The following PTP4A2 variants were observed in gnomAD, a reference collection of about 807,000 sequenced individuals.
The protein encoded by PTP4A2 is protein tyrosine phosphatase type IVA 2.
In PTP4A2, 2 loss-of-function variants were observed where a neutral mutation model predicts 22.9. That is an observed-to-expected ratio of 0.09 (90% CI 0.04 to 0.27). The LOEUF (loss-of-function observed/expected upper bound fraction) is 0.27. PTP4A2 is among the 10% of genes least tolerant of loss of function. The pLI, the probability that PTP4A2 is intolerant of heterozygous loss-of-function variation, is 1.00. For missense variants in PTP4A2, 103 were observed against 205.1 expected (o/e 0.50, Z 3.04); for synonymous variants, 68 against 69.1 (o/e 0.98, Z 0.08).
rs932339809 is a variant in PTP4A2, at chr1:31,907,177, G to C, written c.*1675C>G. On this transcript the variant is annotated 3_prime_UTR_variant, in exon 6 of 6. Transcript: ENST00000647444. ...GTCTGTTCCTATTGGCCTAGCTGAC[G>C]CTAACAAAATGGGAGGCTTATGGCT... 2.6e-5 allele frequency: 4 copies of C among 152,200 alleles called. No individual in the cohort carries two copies. In the East Asian group the frequency reaches 7.7e-4, roughly 29 times the overall value. 9.4% of individuals were successfully genotyped at this position (152,200 alleles called of 1,614,324 possible). A position where few individuals can be genotyped will look rare whatever the true frequency, so the allele number is the denominator to read the frequency against.
At chr1:31,913,884 T>A (rs1164203366) in intron 3 of PTP4A2, 1 of 455,146 alleles carries the variant, frequency 2.2e-6, no homozygotes, top group Admixed American at 2.4e-5. Context: ...GAGAACATAT[T>A]CATAATGCAG....
intron 1 of PTP4A2, among the ~76,000 whole-genome samples, chr1:31,930,064 C>T (rs919526749): frequency 5.3e-5 from 8 of 152,188 alleles, no homozygotes; most frequent in East Asian, 1.9e-4. Flanking sequence ...TCGGGCCGGG[C>T]GTGGTGGCTC....
intron 2 of PTP4A2, among the ~76,000 whole-genome samples, chr1:31,916,378 C>CAAAAG (rs1651845673): frequency 8.1e-6 from 1 of 123,532 alleles, no homozygotes; most frequent in African/African-American, 3.0e-5. Context: ...AAAAAGAAAT[C>CAAAAG]TACTATTATA....
In PTP4A2 at chr1:31,908,198, A is replaced by G. The variant is rs1651337811; in HGVS notation, c.*654T>C. The G allele has an allele frequency of 5.6e-5, 2 of 35,818 alleles. No homozygotes were observed. Among genetic ancestry groups the G allele is most frequent in the Admixed American group, 3.9e-4 (1 of 2,550 alleles). 2.2% of individuals were successfully genotyped at this position (35,818 alleles called of 1,614,324 possible). ...TATATATATATATATATATATATATATATATATATCACTGCTGTTTTTTTG... is the reference window on the plus strand; with the variant it reads ...TATATATATATATATATATATATATGTATATATATCACTGCTGTTTTTTTG... On this transcript the variant is annotated 3_prime_UTR_variant, in exon 6 of 6. Coordinates refer to ENST00000647444, the MANE Select transcript of PTP4A2 (RefSeq NM_080391.4).
At chr1:31,928,102 A>C (rs1464656315) in intron 1 of PTP4A2, among the ~76,000 whole-genome samples, 1 of 150,310 alleles carries the variant, frequency 6.7e-6, no homozygotes, top group Non-Finnish European at 1.5e-5. Flanking sequence ...TTATCCCTCT[A>C]CTGTTCCATT....
At chr1:31,926,286 A>C (rs1051561454) in intron 1 of PTP4A2, among the ~76,000 whole-genome samples, 15 of 151,738 alleles carry the variant, frequency 9.9e-5, no homozygotes, top group African/African-American at 3.6e-4. Flanking sequence ...GTATTCACCA[A>C]ATTAAAACAG....
At chr1:31,914,487 G>C (rs763629099) in intron 3 of PTP4A2, 16 of 295,674 alleles carry the variant, frequency 5.4e-5, no homozygotes, top group Non-Finnish European at 9.6e-5. Flanking sequence ...TATTCTTTTT[G>C]CATCAACTGC....
intron 3 of PTP4A2, chr1:31,913,065 TAAG>T (rs753061182): frequency 3.2e-5 from 14 of 441,914 alleles, no homozygotes; most frequent in South Asian, 1.3e-4. Flanking sequence ...CTTACTCATA[TAAG>T]TAGTGTCTAT....
chr1:31,912,316 A>C (rs1185895058), intron 3 of PTP4A2, among the ~76,000 whole-genome samples: 1 of 152,242 alleles, frequency 6.6e-6, no homozygotes, highest in Admixed American at 6.5e-5. Flanking sequence ...GAGAAAGGTT[A>C]TCTGATAAGA....
At chr1:31,913,515 G>C (rs1651655353) in intron 3 of PTP4A2, among the ~76,000 whole-genome samples, 1 of 151,894 alleles carries the variant, frequency 6.6e-6, no homozygotes, top group Non-Finnish European at 1.5e-5. Context: ...GGTTGTACTA[G>C]TTTACATTCC....
intron 1 of PTP4A2, among the ~76,000 whole-genome samples, chr1:31,930,425 A>G (rs1652676350): frequency 6.6e-6 from 1 of 152,194 alleles, no homozygotes; most frequent in Non-Finnish European, 1.5e-5. Context: ...TGTCAAATGT[A>G]TTGAGCGTAT....
intron 1 of PTP4A2, chr1:31,935,710 A>G (rs1470754678): frequency 6.6e-6 from 1 of 152,230 alleles, no homozygotes; most frequent in Non-Finnish European, 1.5e-5. Flanking sequence ...AAATGAAGAT[A>G]CCACCTTTCT....
chr1:31,906,957 T>A lies in PTP4A2; in HGVS notation c.*1895A>T, dbSNP rs1651204635. 6.6e-6 allele frequency: 1 copy of A among 152,226 alleles called. No homozygotes were observed. Among genetic ancestry groups the A allele is most frequent in the African/African-American group, 2.4e-5 (1 of 41,446 alleles). The allele number at this position is 152,226 out of a possible 1,614,324, so 9.4% of individuals were successfully genotyped here. A position where few individuals can be genotyped will look rare whatever the true frequency, so the allele number is the denominator to read the frequency against. On this transcript the variant is annotated 3_prime_UTR_variant, in exon 6 of 6. Coordinates refer to ENST00000647444, the MANE Select transcript of PTP4A2 (RefSeq NM_080391.4). ...TATTGTTGCATTCTGAAATAAAGAATTTTGGATATACCATTATGTTTTAAA... is the reference window on the plus strand; with the variant it reads ...TATTGTTGCATTCTGAAATAAAGAAATTTGGATATACCATTATGTTTTAAA...
intron 3 of PTP4A2, among the ~76,000 whole-genome samples, chr1:31,912,560 C>A (rs1194512827): frequency 6.6e-6 from 1 of 152,142 alleles, no homozygotes; most frequent in Non-Finnish European, 1.5e-5. Context: ...ATCCCACGAG[C>A]ATTCACAGTA....
intron 1 of PTP4A2, among the ~76,000 whole-genome samples, chr1:31,923,742 G>A (rs1194831316): frequency 6.6e-6 from 1 of 152,080 alleles, no homozygotes; most frequent in Non-Finnish European, 1.5e-5. Flanking sequence ...TGCCCAGGCT[G>A]GTCTAAAACT....
intron 1 of PTP4A2, among the ~76,000 whole-genome samples, chr1:31,925,854 T>A (rs1652427387): frequency 6.6e-6 from 1 of 151,668 alleles, no homozygotes; most frequent in Non-Finnish European, 1.5e-5. Context: ...CTTTTAAAAT[T>A]CCTATCAATT....
At chr1:31,937,322 T>A (rs1244349178) in intron 1 of PTP4A2, among the ~76,000 whole-genome samples, 1 of 151,982 alleles carries the variant, frequency 6.6e-6, no homozygotes, top group African/African-American at 2.4e-5. Flanking sequence ...GGAGGAGACT[T>A]ATACCCCCTT....
At chr1:31,918,426 G>A (rs1038911839) in intron 2 of PTP4A2, among the ~76,000 whole-genome samples, 7 of 152,196 alleles carry the variant, frequency 4.6e-5, no homozygotes, top group African/African-American at 1.7e-4. Context: ...GTCTGGGGGT[G>A]CCTTTTCATC....
chr1:31,927,238 G>A (rs964627576), intron 1 of PTP4A2, among the ~76,000 whole-genome samples: 2 of 152,140 alleles, frequency 1.3e-5, no homozygotes, highest in Non-Finnish European at 2.9e-5. Context: ...TATCCTAAGC[G>A]AATTAACGCA....
Sources: allele counts gnomAD v4.1 joint callset (sites outside exome capture counted in the v4.1 genomes callset), GRCh38; gene constraint gnomAD v4.1.1; transcripts MANE v1.5; gene names NCBI Gene and HGNC (gene_info 2026-07-23, HGNC 2026-07-21).